Variants in ZNF705G observed in about 807,000 individuals in gnomAD.
ZNF705G encodes the protein putative zinc finger protein 705G.
In ZNF705G, 23 loss-of-function variants were observed where a neutral mutation model predicts 19.6. That is an observed-to-expected ratio of 1.17 (90% CI 0.84 to 1.66). ZNF705G has a LOEUF of 1.66. Among genes scored for constraint, ZNF705G ranks in the 40% most tolerant of loss-of-function variants. The probability of loss-of-function intolerance (pLI) is 0.00; values close to 1 mark genes in which losing one functional copy is unlikely to be tolerated. For missense variants in ZNF705G, 457 were observed against 354.4 expected (o/e 1.29, Z -2.32); for synonymous variants, 146 against 117.7 (o/e 1.24, Z -1.56).
chr8:7,371,602 T>C (rs1451027416), intron 2 of ZNF705G, among the ~76,000 whole-genome samples: 1 of 101,580 alleles, frequency 9.8e-6, no homozygotes, highest in Non-Finnish European at 2.2e-5. Context: ...ATGTACACCT[T>C]AAATATGTAC....
intron 2 of ZNF705G, among the ~76,000 whole-genome samples, chr8:7,379,504 A>C (rs919376432): frequency 3.4e-5 from 5 of 147,312 alleles, no homozygotes; most frequent in African/African-American, 1.4e-4. Flanking sequence ...AGACCAAGAC[A>C]GCAAGTAGAT....
intron 2 of ZNF705G, among the ~76,000 whole-genome samples, chr8:7,379,331 C>T (rs540420077): frequency 6.8e-6 from 1 of 147,340 alleles, no homozygotes; most frequent in Non-Finnish European, 1.5e-5. Context: ...CACCAACTGT[C>T]CCTTTAATAT....
In ZNF705G at chr8:7,355,718, C is replaced by T. The variant is rs1429241429; in HGVS notation, c.*2258G>A. On this transcript the variant is annotated 3_prime_UTR_variant, in exon 7 of 7. Transcript: ENST00000400156. ...ATAGAATTTCACAGCACAAATAGTA[C>T]ATCTTAATGTGGTTCAGGAGTACAT... is the stretch of plus-strand genomic sequence containing the variant. 1.3e-5 allele frequency: 2 copies of T among 149,668 alleles called. No homozygotes were observed. Among genetic ancestry groups the T allele is most frequent in the Admixed American group, 1.3e-4 (2 of 15,248 alleles). 9.3% of individuals were successfully genotyped at this position (149,668 alleles called of 1,614,324 possible).
intron 2 of ZNF705G, among the ~76,000 whole-genome samples, chr8:7,380,828 T>C (rs960902796): frequency 6.2e-5 from 9 of 144,334 alleles, no homozygotes; most frequent in Non-Finnish European, 8.9e-5. Flanking sequence ...AAGACCAGCC[T>C]GACCAACATG....
intron 2 of ZNF705G, among the ~76,000 whole-genome samples, chr8:7,378,851 A>T (rs1179985087): frequency 6.8e-6 from 1 of 147,002 alleles, no homozygotes; most frequent in East Asian, 1.9e-4. Context: ...TTAATTTCAC[A>T]GGAAACCTCA....
In ZNF705G at chr8:7,362,953, G is replaced by C. The variant is rs923402394; in HGVS notation, c.-7C>G. 5.7e-6 allele frequency: 9 copies of C among 1,590,852 alleles called. 2 individuals carry two copies. Among genetic ancestry groups the C allele is most frequent in the African/African-American group, 2.8e-5 (2 of 70,600 alleles). ...TACTCACTAGTGAATGCATTGTCAGGAACTCAGTTTCTCTCTGTCTTCCTC... is the reference window on the plus strand; with the variant it reads ...TACTCACTAGTGAATGCATTGTCAGCAACTCAGTTTCTCTCTGTCTTCCTC... On this transcript the variant is annotated 5_prime_UTR_variant, in exon 3 of 7. Transcript: ENST00000400156.
In ZNF705G at chr8:7,375,256, C is replaced by A. The variant is rs551122910; in HGVS notation, c.-72+6196G>T. On this transcript the variant is annotated intron_variant, in intron 2 of 6. Transcript: ENST00000400156. ...CATGTGCACTCATTGCTCGGCTCCC[C>A]CTTATAACTGAGAATATGTGGTATT... Among the ~76,000 whole-genome samples the A allele has an allele frequency of 1.2e-3, 109 of 91,310 alleles. 26 individuals are homozygous for A. The highest frequency in any genetic ancestry group is 2.0e-3 in the Non-Finnish European group (96 of 47,024). 59.9% of individuals were successfully genotyped at this position (91,310 alleles called of 152,430 possible). A position where few individuals can be genotyped will look rare whatever the true frequency, so the allele number is the denominator to read the frequency against.
intron 3 of ZNF705G, among the ~76,000 whole-genome samples, chr8:7,362,038 C>G (rs1354008380): frequency 6.7e-6 from 1 of 149,552 alleles, no homozygotes; most frequent in Admixed American, 6.6e-5. Context: ...TCTCAACTTT[C>G]TCTCGGCAAT....
In ZNF705G at chr8:7,384,469, T is replaced by A. The variant is rs545502303; in HGVS notation, c.-222+1029A>T. Among the ~76,000 whole-genome samples, 8 of 145,736 alleles carry A rather than the reference T, an allele frequency of 5.5e-5. No homozygotes were observed. In the East Asian group the frequency reaches 1.5e-3, roughly 28 times the overall value. The stretch of plus-strand genomic sequence containing the variant: ...GCAGCCAACAAACATGAAAAAAAGC[T>A]CATCATCACTGGTCATTAGAGAAAT... On this transcript the variant is annotated intron_variant, in intron 1 of 6. Coordinates refer to ENST00000400156, the MANE Select transcript of ZNF705G (RefSeq NM_001164457.3).
Position 7,384,330 on chromosome 8 carries a change from C to G in ZNF705G, c.-222+1168G>C, listed in dbSNP as rs141455174. On this transcript the variant is annotated intron_variant, in intron 1 of 6. Coordinates refer to ENST00000400156, the MANE Select transcript of ZNF705G (RefSeq NM_001164457.3). ...AATCTTAGGAGGAGTCAATTGCTAC[C>G]CAATACCTATCCACACAGAGTTGTG... Among the ~76,000 whole-genome samples, 49 of 145,698 alleles carry G rather than the reference C, an allele frequency of 3.4e-4. 2 individuals carry two copies. The East Asian group carries it at 8.7e-3, about 26-fold the overall frequency.
chr8:7,384,751 A>C (rs1450242820), intron 1 of ZNF705G, among the ~76,000 whole-genome samples: 1 of 144,928 alleles, frequency 6.9e-6, no homozygotes, highest in Non-Finnish European at 1.5e-5. Context: ...AATTTCACTT[A>C]TTAAATGTTA....
chr8:7,363,973 G>C (rs1055001896), intron 2 of ZNF705G, among the ~76,000 whole-genome samples: 3 of 149,492 alleles, frequency 2.0e-5, no homozygotes, highest in African/African-American at 7.7e-5. Flanking sequence ...TCTCTCCTGT[G>C]TATACAGTCA....
At chr8:7,360,751 T>A (rs1389256014) in intron 4 of ZNF705G, among the ~76,000 whole-genome samples, 2 of 149,616 alleles carry the variant, frequency 1.3e-5, no homozygotes, top group African/African-American at 5.1e-5. Flanking sequence ...TTTCCCTAAT[T>A]GGTCTCAGCC....
chr8:7,385,292 G>C (rs1422723120), intron 1 of ZNF705G, among the ~76,000 whole-genome samples: 2 of 148,878 alleles, frequency 1.3e-5, no homozygotes, highest in Non-Finnish European at 2.9e-5. Flanking sequence ...AATTTTGGGG[G>C]AGAGACACAA....
At position 7,355,677 on chromosome 8, in the gene ZNF705G, G is replaced by T. The variant is rs1806181697; in HGVS notation, c.*2299C>A. ...ATAATGGCTGGAGATCTGCCACCATGCATTTGTCAAATCCCATAGAATTTC... is the reference window on the plus strand; with the variant it reads ...ATAATGGCTGGAGATCTGCCACCATTCATTTGTCAAATCCCATAGAATTTC... On this transcript the variant is annotated 3_prime_UTR_variant, in exon 7 of 7. Coordinates refer to ENST00000400156, the MANE Select transcript of ZNF705G (RefSeq NM_001164457.3). The T allele has an allele frequency of 6.7e-6, 1 of 149,698 alleles. No homozygotes were observed. Among genetic ancestry groups the T allele is most frequent in the Non-Finnish European group, 1.5e-5 (1 of 68,008 alleles). The allele number at this position is 149,698 out of a possible 1,614,324, so 9.3% of individuals were successfully genotyped here. A position where few individuals can be genotyped will look rare whatever the true frequency, so the allele number is the denominator to read the frequency against.
chr8:7,364,683 C>A (rs1473395322), intron 2 of ZNF705G, among the ~76,000 whole-genome samples: 2 of 149,640 alleles, frequency 1.3e-5, no homozygotes, highest in Non-Finnish European at 2.9e-5. Context: ...ATTTTTACTG[C>A]CACATTTAAT....
rs762985287 is a variant in ZNF705G, at chr8:7,358,328, C to G, written c.551G>C (p.Cys184Ser). The change falls in exon 7 of 7, where the codon TGC (cysteine) becomes TCC (serine). Residue 184 changes from cysteine to serine, a missense_variant. Physicochemically the swap from Cys to Ser is moderately radical, Grantham distance 112. Coordinates refer to ENST00000400156, the MANE Select transcript of ZNF705G (RefSeq NM_001164457.3). The part of the protein sequence containing the change: ...CNLCEKAYTN[C>S]FHLRRHKMTH... ...CATCTTGTGCCGTCTAAGGTGAAAG[C>G]AATTAGTATAGGCCTTTTCACATAG... 2.2e-5 allele frequency: 36 copies of G among 1,607,602 alleles called. No homozygotes were observed. The highest frequency in any genetic ancestry group is 5.0e-5 in the Admixed American group (3 of 59,914).
At chr8:7,359,770 G>A (rs1183559681) in intron 5 of ZNF705G, 69 bp from the exon 6 acceptor site, 5 of 1,600,304 alleles carry the variant, frequency 3.1e-6, no homozygotes, top group Admixed American at 3.4e-5. Flanking sequence ...AAGCCCCAAA[G>A]CCCACGTACT....
At position 7,357,930 on chromosome 8, in the gene ZNF705G, A is replaced by G. The variant is rs761850402; in HGVS notation, c.*46T>C. On this transcript the variant is annotated 3_prime_UTR_variant, in exon 7 of 7. Transcript: ENST00000400156. ...GTACATTGTCTGAAGGCTTTCCCAC[A>G]TAAATGGCATTCATATGGCTTTTCT... The G allele has an allele frequency of 6.9e-6, 11 of 1,605,552 alleles. No homozygotes were observed. The Admixed American group carries it at 1.5e-4, about 22-fold the overall frequency.
Sources: gnomAD v4.1 joint callset for allele counts (sites outside exome capture counted in the v4.1 genomes callset) on GRCh38, gnomAD v4.1.1 for gene constraint, MANE v1.5 for transcripts, NCBI Gene and HGNC (gene_info 2026-07-23, HGNC 2026-07-21) for gene names.